VAT1L: variants seen among roughly 807,000 people sequenced by gnomAD.
VAT1L encodes putative NADPH-dependent quinone oxidoreductase VAT1L.
VAT1L carries 34 observed loss-of-function variants against 44.1 expected under a neutral mutation model. The ratio of observed to expected loss-of-function variants is 0.77; its 90% CI spans 0.59 to 1.03. VAT1L has a LOEUF of 1.03. Ranked by LOEUF, VAT1L falls within the 50% of genes least tolerant of loss-of-function variation. VAT1L has a pLI of 0.00. For synonymous variants in VAT1L, 253 were observed against 202.2 expected, an observed-to-expected ratio of 1.25 and a Z score of -2.13; for missense variants, 615 against 538.8, an observed-to-expected ratio of 1.14 and a Z score of -1.40.
chr16:77,914,212 T>C (rs1179573461), intron 7 of VAT1L, among the ~76,000 whole-genome samples: 1 of 152,242 alleles, frequency 6.6e-6, no homozygotes, highest in Non-Finnish European at 1.5e-5. Flanking sequence ...GTTATTAAAT[T>C]ATATAAACTA....
intron 7 of VAT1L, among the ~76,000 whole-genome samples, chr16:77,952,912 C>T (rs2018061266): frequency 6.8e-6 from 1 of 147,642 alleles, no homozygotes; most frequent in Non-Finnish European, 1.5e-5. Context: ...GAGTGTCCCC[C>T]TAAATCCATG....
At chr16:77,889,654 T>C (rs2017243148) in intron 7 of VAT1L, among the ~76,000 whole-genome samples, 1 of 152,248 alleles carries the variant, frequency 6.6e-6, no homozygotes, top group Non-Finnish European at 1.5e-5. Context: ...AGACAACGTG[T>C]TTCCTGCCCT....
chr16:77,837,505 G>C (rs1180580038), intron 3 of VAT1L, among the ~76,000 whole-genome samples: 1 of 152,222 alleles, frequency 6.6e-6, no homozygotes, highest in Admixed American at 6.5e-5. Context: ...TTCATCCCCT[G>C]TATCCCAACC....
intron 7 of VAT1L, among the ~76,000 whole-genome samples, chr16:77,921,600 G>C (rs1434853002): frequency 6.6e-6 from 1 of 152,104 alleles, no homozygotes; most frequent in African/African-American, 2.4e-5. Context: ...TATTTTATCT[G>C]TTCCTCTTAC....
intron 7 of VAT1L, among the ~76,000 whole-genome samples, chr16:77,942,068 G>T (rs891009980): frequency 6.6e-6 from 1 of 152,114 alleles, no homozygotes; most frequent in Non-Finnish European, 1.5e-5. Flanking sequence ...CTAATGATTA[G>T]TGTATTAGTC....
chr16:77,875,696 A>G (rs772751294), intron 4 of VAT1L, among the ~76,000 whole-genome samples: 1 of 152,226 alleles, frequency 6.6e-6, no homozygotes, highest in Admixed American at 6.5e-5. Flanking sequence ...TTTCTACTCC[A>G]CAACCTCCCA....
At chr16:77,906,709 G>A (rs2017440945) in intron 7 of VAT1L, among the ~76,000 whole-genome samples, 2 of 152,162 alleles carry the variant, frequency 1.3e-5, no homozygotes, top group South Asian at 4.1e-4. Flanking sequence ...ATTAGTCAAG[G>A]GTGGCTCCAA....
intron 3 of VAT1L, among the ~76,000 whole-genome samples, chr16:77,838,675 C>T (rs768372673): frequency 1.4e-4 from 21 of 152,050 alleles, no homozygotes; most frequent in Non-Finnish European, 2.8e-4. Context: ...CCCTGCCTCT[C>T]TGTTCCTTTG....
intron 7 of VAT1L, among the ~76,000 whole-genome samples, chr16:77,929,772 G>C (rs535193398): frequency 5.9e-5 from 9 of 152,292 alleles, no homozygotes; most frequent in African/African-American, 2.2e-4. Flanking sequence ...AACATTTACA[G>C]GTTAAGCAAA....
chr16:77,953,040 C>A (rs1351005659), intron 7 of VAT1L, among the ~76,000 whole-genome samples: 3 of 151,822 alleles, frequency 2.0e-5, no homozygotes, highest in Non-Finnish European at 2.9e-5. Context: ...GACCCTTAAT[C>A]CAACATGGTG....
At chr16:77,880,589 G>GTA (rs1555516554) in intron 6 of VAT1L, among the ~76,000 whole-genome samples, 8 of 16,374 alleles carry the variant, frequency 4.9e-4, no homozygotes, top group African/African-American at 1.6e-3. Flanking sequence ...ACGTTCCAGG[G>GTA]TATTTTTTTT....
intron 3 of VAT1L, among the ~76,000 whole-genome samples, chr16:77,835,429 C>G (rs766011671): frequency 3.3e-5 from 5 of 152,190 alleles, no homozygotes; most frequent in Non-Finnish European, 7.3e-5. Context: ...CCCAGCATCA[C>G]TCCATCCATC....
chr16:77,825,081 G>T (rs559947205), intron 2 of VAT1L, among the ~76,000 whole-genome samples, 165 bp from the exon 3 acceptor site: 88 of 151,942 alleles, frequency 5.8e-4, no homozygotes, highest in Non-Finnish European at 1.2e-3. Flanking sequence ...CAGCCAGGCT[G>T]GTCTTGAACT....
intron 7 of VAT1L, among the ~76,000 whole-genome samples, chr16:77,942,244 G>C (rs1339685584): frequency 1.3e-5 from 2 of 152,160 alleles, no homozygotes; most frequent in African/African-American, 4.8e-5. Flanking sequence ...CTTGTGCAGG[G>C]AAACTCCCCT....
chr16:77,820,255 A>G (rs1337154053), intron 2 of VAT1L, among the ~76,000 whole-genome samples: 1 of 152,098 alleles, frequency 6.6e-6, no homozygotes, highest in Non-Finnish European at 1.5e-5. Flanking sequence ...GACAATAGTC[A>G]TGGTGACTCC....
chr16:77,885,078 C>G (rs1206514173), intron 7 of VAT1L, among the ~76,000 whole-genome samples: 1 of 152,126 alleles, frequency 6.6e-6, no homozygotes, highest in Non-Finnish European at 1.5e-5. Flanking sequence ...GTCTACAATT[C>G]GGTGTGGTTA....
At chr16:77,905,080 T>A (rs543954918) in intron 7 of VAT1L, among the ~76,000 whole-genome samples, 1 of 152,168 alleles carries the variant, frequency 6.6e-6, no homozygotes, top group East Asian at 1.9e-4. Context: ...TAAGAGGAAT[T>A]CAAATCTGAC....
At chr16:77,839,367 C>G (rs1043038148) in intron 3 of VAT1L, among the ~76,000 whole-genome samples, 3 of 151,408 alleles carry the variant, frequency 2.0e-5, no homozygotes, top group Admixed American at 1.3e-4. Context: ...AACCCTGTCT[C>G]TACTAAAAAT....
At chr16:77,844,134 T>C (rs535237462) in intron 3 of VAT1L, among the ~76,000 whole-genome samples, 2 of 152,288 alleles carry the variant, frequency 1.3e-5, no homozygotes, top group Admixed American at 1.3e-4. Flanking sequence ...TATGTGTGTG[T>C]AAATAAGATA....
Sources: allele counts gnomAD v4.1 joint callset (sites outside exome capture counted in the v4.1 genomes callset), GRCh38; gene constraint gnomAD v4.1.1; transcripts MANE v1.5; gene names NCBI Gene and HGNC (gene_info 2026-07-23, HGNC 2026-07-21).